EXOC4: variants seen among roughly 807,000 people sequenced by gnomAD.
EXOC4 encodes the protein exocyst complex component 4, also known as SEC8-like 1.
Under a neutral mutation model 107.2 loss-of-function variants are expected in EXOC4, and 71 were observed. The ratio of observed to expected loss-of-function variants is 0.66; its 90% CI spans 0.55 to 0.81. EXOC4 has a LOEUF of 0.81. Among genes scored for constraint, EXOC4 ranks in the 30% least tolerant of loss-of-function variants. The pLI is 0.00. For synonymous variants in EXOC4, 456 were observed against 441.2 expected, an observed-to-expected ratio of 1.03 and a Z score of -0.42; for missense variants, 1,108 against 1,189.6, an observed-to-expected ratio of 0.93 and a Z score of 1.01.
chr7:133,695,482 G>A (rs1348429197), intron 10 of EXOC4, among the ~76,000 whole-genome samples: 2 of 151,754 alleles, frequency 1.3e-5, no homozygotes, highest in African/African-American at 2.4e-5. Flanking sequence ...TATATGTCTA[G>A]CATTTTTTTT....
intron 7 of EXOC4, among the ~76,000 whole-genome samples, chr7:133,382,890 G>A (rs1160265246): frequency 2.0e-5 from 3 of 152,116 alleles, no homozygotes; most frequent in Admixed American, 2.0e-4. Context: ...AGGCTCATTT[G>A]TCTCAGCGTG....
intron 10 of EXOC4, among the ~76,000 whole-genome samples, chr7:133,775,792 G>A (rs1796333444): frequency 6.6e-6 from 1 of 152,186 alleles, no homozygotes; most frequent in African/African-American, 2.4e-5. Flanking sequence ...TTTCAGTGAA[G>A]AAAGTCATGG....
At chr7:133,800,324 A>T (rs1796911872) in intron 10 of EXOC4, among the ~76,000 whole-genome samples, 1 of 152,192 alleles carries the variant, frequency 6.6e-6, no homozygotes, top group South Asian at 2.1e-4. Context: ...CAATCATTCT[A>T]ATAGTTTTTA....
At chr7:133,367,796 C>A (rs1796280321) in intron 6 of EXOC4, among the ~76,000 whole-genome samples, 1 of 152,196 alleles carries the variant, frequency 6.6e-6, no homozygotes, top group Non-Finnish European at 1.5e-5. Context: ...AAGTACTTAA[C>A]ACAGTGCTCG....
chr7:133,473,747 C>A (rs1240679322), intron 7 of EXOC4, among the ~76,000 whole-genome samples: 3 of 151,790 alleles, frequency 2.0e-5, no homozygotes, highest in Non-Finnish European at 1.5e-5. Flanking sequence ...GTCGCCCAGG[C>A]TGGAGTGCAG....
intron 13 of EXOC4, among the ~76,000 whole-genome samples, chr7:133,928,336 G>A (rs1800097560): frequency 6.6e-6 from 1 of 152,168 alleles, no homozygotes; most frequent in African/African-American, 2.4e-5. Flanking sequence ...ACAAGGGCAA[G>A]CGGTGAGACG....
At chr7:133,337,652 T>A (rs1448113461) in intron 5 of EXOC4, among the ~76,000 whole-genome samples, 3 of 148,174 alleles carry the variant, frequency 2.0e-5, no homozygotes, top group Non-Finnish European at 3.0e-5. Context: ...TTTTTTTTTT[T>A]TTTTGGAGTC....
the EXOC4 span, among the ~76,000 whole-genome samples, chr7:134,092,360 G>A: frequency 1.3e-5 from 2 of 152,036 alleles, no homozygotes; most frequent in East Asian, 3.9e-4. Context: ...GAAAGTATGG[G>A]CCATCCACAG....
At chr7:133,882,581 A>G (rs1798988775) in intron 11 of EXOC4, among the ~76,000 whole-genome samples, 1 of 152,236 alleles carries the variant, frequency 6.6e-6, no homozygotes, top group Non-Finnish European at 1.5e-5. Context: ...CTAGGTGTTT[A>G]TAACAGGAAG....
At chr7:133,924,009 C>A (rs1014852712) in intron 13 of EXOC4, among the ~76,000 whole-genome samples, 2 of 148,864 alleles carry the variant, frequency 1.3e-5, no homozygotes, top group Non-Finnish European at 3.0e-5. Flanking sequence ...TTTTTTCTAT[C>A]AAGACAGGTA....
intron 17 of EXOC4, among the ~76,000 whole-genome samples, chr7:134,038,948 T>C (rs1795453933): frequency 6.6e-6 from 1 of 152,202 alleles, no homozygotes; most frequent in Non-Finnish European, 1.5e-5. Context: ...GAGATACCCA[T>C]GTGTGTCTAC....
At chr7:133,267,462 TTC>T (rs1793758316) in intron 1 of EXOC4, among the ~76,000 whole-genome samples, 1 of 152,208 alleles carries the variant, frequency 6.6e-6, no homozygotes, top group African/African-American at 2.4e-5. Flanking sequence ...ATAGTGCCCT[TTC>T]TCTCTCACTT....
At chr7:133,608,116 T>C (rs1563125264) in intron 9 of EXOC4, among the ~76,000 whole-genome samples, 1 of 152,224 alleles carries the variant, frequency 6.6e-6, no homozygotes, top group Non-Finnish European at 1.5e-5. Context: ...TGGGGGTTTA[T>C]TGTTAAGCTA....
the EXOC4 span, among the ~76,000 whole-genome samples, chr7:134,098,483 C>T: frequency 5.3e-5 from 8 of 152,130 alleles, no homozygotes; most frequent in African/African-American, 1.9e-4. Flanking sequence ...TGTGGCTGAG[C>T]AGGCTGTGAA....
chr7:133,621,090 C>G (rs1767355848), intron 9 of EXOC4, among the ~76,000 whole-genome samples: 1 of 152,180 alleles, frequency 6.6e-6, no homozygotes, highest in Non-Finnish European at 1.5e-5. Context: ...CTAATGGATC[C>G]TCCTTTGACT....
In EXOC4 at chr7:133,906,275, A is replaced by T. The variant is rs910591919; in HGVS notation, c.1871+10540A>T. Among the ~76,000 whole-genome samples the T allele has an allele frequency of 2.6e-5, 4 of 152,196 alleles. No individual in the cohort carries two copies. The East Asian group carries it at 7.8e-4, about 29-fold the overall frequency. On this transcript the variant is annotated intron_variant, in intron 12 of 17. Transcript: ENST00000253861. ...GAGACTCTCCTTGAGCTGGCCTTGG[A>T]GCTTTTGCCAACCTAACTTAACTTT...
chr7:133,300,885 A>T (rs536582809), intron 3 of EXOC4, among the ~76,000 whole-genome samples: 2 of 150,658 alleles, frequency 1.3e-5, no homozygotes, highest in South Asian at 2.1e-4. Flanking sequence ...GATAGATACC[A>T]TTTTTTTTTT....
At chr7:133,554,177 C>T (rs985469035) in intron 9 of EXOC4, among the ~76,000 whole-genome samples, 1 of 151,980 alleles carries the variant, frequency 6.6e-6, no homozygotes, top group Non-Finnish European at 1.5e-5. Context: ...ACAGCCCAGG[C>T]CTATTCCTGA....
At chr7:133,486,348 TAGG>T (rs1313133894) in intron 9 of EXOC4, among the ~76,000 whole-genome samples, 3 of 152,204 alleles carry the variant, frequency 2.0e-5, no homozygotes. Flanking sequence ...GGATTTATAA[TAGG>T]AGTCTCTTAT....
Sources: gnomAD v4.1 joint callset for allele counts (sites outside exome capture counted in the v4.1 genomes callset) on GRCh38, gnomAD v4.1.1 for gene constraint, MANE v1.5 for transcripts, NCBI Gene and HGNC (gene_info 2026-07-23, HGNC 2026-07-21) for gene names.